The following EPHA5 variants were observed in gnomAD, a reference collection of about 807,000 sequenced individuals.
EPHA5 encodes ephrin type-A receptor 5.
In EPHA5, 60 loss-of-function variants were observed where a neutral mutation model predicts 105.0. The ratio of observed to expected loss-of-function variants is 0.57; its 90% CI spans 0.46 to 0.71. The LOEUF (loss-of-function observed/expected upper bound fraction) is 0.71, where lower values mean the gene tolerates loss of function less well. Among genes scored for constraint, EPHA5 ranks in the 30% least tolerant of loss-of-function variants. The pLI is 0.00. For missense variants in EPHA5, 1,218 were observed against 1,274.7 expected (o/e 0.96, Z 0.68); for synonymous variants, 513 against 449.1 (o/e 1.14, Z -1.80).
chr4:65,497,498 T>C (rs1490169669), intron 3 of EPHA5, among the ~76,000 whole-genome samples: 11 of 152,118 alleles, frequency 7.2e-5, no homozygotes, highest in African/African-American at 2.7e-4. Context: ...TTTAAAATAT[T>C]ATTTTTCTTA....
intron 3 of EPHA5, among the ~76,000 whole-genome samples, chr4:65,575,444 G>A (rs911980052): frequency 2.0e-5 from 3 of 152,152 alleles, no homozygotes; most frequent in African/African-American, 7.2e-5. Context: ...TTACTGCCTA[G>A]TGAGACTATC....
chr4:65,506,023 C>G (rs939593753), intron 3 of EPHA5, among the ~76,000 whole-genome samples: 1 of 152,058 alleles, frequency 6.6e-6, no homozygotes, highest in Non-Finnish European at 1.5e-5. Flanking sequence ...ATAACAGGCC[C>G]CAGTGTGTGA....
intron 3 of EPHA5, among the ~76,000 whole-genome samples, chr4:65,533,330 C>T (rs1735999725): frequency 6.6e-6 from 1 of 151,968 alleles, no homozygotes. Context: ...ATTTATAAAA[C>T]CATTTTTTTG....
chr4:65,525,970 A>T (rs1735190361), intron 3 of EPHA5, among the ~76,000 whole-genome samples: 1 of 151,632 alleles, frequency 6.6e-6, no homozygotes, highest in Non-Finnish European at 1.5e-5. Context: ...TACTTAGCCC[A>T]AATTACACTC....
intron 2 of EPHA5, among the ~76,000 whole-genome samples, chr4:65,636,542 G>T (rs1352632762): frequency 6.6e-6 from 1 of 151,850 alleles, no homozygotes; most frequent in African/African-American, 2.4e-5. Flanking sequence ...TCTACAAACA[G>T]AATATTAAGT....
chr4:65,601,612 C>A (rs1190071888), intron 3 of EPHA5, 29 bp downstream of exon 3: 2 of 1,597,754 alleles, frequency 1.3e-6, no homozygotes, highest in African/African-American at 1.3e-5. Context: ...AAGCAGACAG[C>A]CCCTGCAGAT....
intron 3 of EPHA5, among the ~76,000 whole-genome samples, chr4:65,575,528 T>C (rs930872167): frequency 6.6e-6 from 1 of 152,172 alleles, no homozygotes; most frequent in African/African-American, 2.4e-5. Context: ...TTTACTCACA[T>C]AAATGTTGCC....
At chr4:65,612,793 T>C (rs1280102089) in intron 2 of EPHA5, among the ~76,000 whole-genome samples, 1 of 152,212 alleles carries the variant, frequency 6.6e-6, no homozygotes, top group Non-Finnish European at 1.5e-5. Context: ...GTCAGATACA[T>C]AATTTGCAAA....
chr4:65,472,543 T>C (rs1281394467), intron 5 of EPHA5, among the ~76,000 whole-genome samples: 11 of 152,176 alleles, frequency 7.2e-5, no homozygotes, highest in African/African-American at 2.7e-4. Flanking sequence ...TTCCCAAACC[T>C]CAATTCTTGA....
intron 3 of EPHA5, among the ~76,000 whole-genome samples, chr4:65,505,913 A>G (rs1198225503): frequency 2.0e-5 from 3 of 152,078 alleles, no homozygotes; most frequent in African/African-American, 4.8e-5. Flanking sequence ...GGTTTGTTAC[A>G]TATGTATACA....
At chr4:65,576,426 G>A (rs189935316) in intron 3 of EPHA5, among the ~76,000 whole-genome samples, 25 of 152,230 alleles carry the variant, frequency 1.6e-4, no homozygotes, top group Admixed American at 3.3e-4. Flanking sequence ...CCAATATATT[G>A]GGCATTTAGG....
intron 1 of EPHA5, among the ~76,000 whole-genome samples, chr4:65,660,271 A>G (rs1426996829): frequency 6.6e-6 from 1 of 152,126 alleles, no homozygotes; most frequent in Non-Finnish European, 1.5e-5. Context: ...GTTTCCATTT[A>G]TTTCCTAATC....
intron 5 of EPHA5, among the ~76,000 whole-genome samples, chr4:65,445,126 C>A (rs1726392381): frequency 6.6e-6 from 1 of 151,992 alleles, no homozygotes; most frequent in South Asian, 2.1e-4. Flanking sequence ...TTTGGATACA[C>A]ATTTTTATAG....
chr4:65,433,011 T>C (rs1158297638), intron 5 of EPHA5, among the ~76,000 whole-genome samples: 4 of 152,098 alleles, frequency 2.6e-5, no homozygotes, highest in Non-Finnish European at 5.9e-5. Context: ...ATGTGGTGTT[T>C]AGTAAAGTTA....
At chr4:65,582,683 T>C (rs1741748600) in intron 3 of EPHA5, among the ~76,000 whole-genome samples, 1 of 151,708 alleles carries the variant, frequency 6.6e-6, no homozygotes, top group Admixed American at 6.6e-5. Context: ...ATTCCAACAT[T>C]TCTTGCAACT....
At chr4:65,621,475 T>C (rs890981406) in intron 2 of EPHA5, among the ~76,000 whole-genome samples, 6 of 152,180 alleles carry the variant, frequency 3.9e-5, no homozygotes, top group African/African-American at 1.4e-4. Flanking sequence ...GAATTAATAT[T>C]AAAGCCTGAT....
intron 4 of EPHA5, among the ~76,000 whole-genome samples, 165 bp from the exon 5 acceptor site, chr4:65,490,877 GT>G (rs1731339509): frequency 6.6e-6 from 1 of 152,092 alleles, no homozygotes; most frequent in African/African-American, 2.4e-5. Context: ...CAATAGTGGG[GT>G]TTATTCCCTA....
intron 8 of EPHA5, among the ~76,000 whole-genome samples, chr4:65,392,677 G>A (rs9992687): frequency 0.076 from 11,501 of 152,020 alleles, 700 homozygotes; most frequent in African/African-American, 0.17. Flanking sequence ...TTTGTGATGG[G>A]ATCAAAAGGA....
intron 5 of EPHA5, among the ~76,000 whole-genome samples, chr4:65,444,059 A>G (rs1412068777): frequency 6.6e-6 from 1 of 152,162 alleles, no homozygotes; most frequent in East Asian, 1.9e-4. Flanking sequence ...TGAAAGGCTG[A>G]TATAGTGGAC....
Sources: allele counts gnomAD v4.1 joint callset (sites outside exome capture counted in the v4.1 genomes callset), GRCh38; gene constraint gnomAD v4.1.1; transcripts MANE v1.5; gene names NCBI Gene and HGNC (gene_info 2026-07-23, HGNC 2026-07-21).